The following ZNF131 variants were observed in gnomAD, a reference collection of about 807,000 sequenced individuals.
ZNF131 encodes zinc finger protein 131.
In ZNF131, 7 loss-of-function variants were observed where a neutral mutation model predicts 60.0. The observed-to-expected ratio is 0.12, with a 90% CI of 0.07 to 0.22. The LOEUF is 0.22. Among genes scored for constraint, ZNF131 ranks in the 10% least tolerant of loss-of-function variants. ZNF131 has a pLI of 1.00. For synonymous variants in ZNF131, 257 were observed against 253.2 expected, an observed-to-expected ratio of 1.01 and a Z score of -0.14; for missense variants, 493 against 740.9, an observed-to-expected ratio of 0.67 and a Z score of 3.88.
At chr5:43,168,100 G>A in intron 5 of ZNF131, 1 of 363,854 alleles carries the variant, frequency 2.7e-6, no homozygotes. Context: ...CCATTCCCAT[G>A]ATAACCCATT....
intron 4 of ZNF131, among the ~76,000 whole-genome samples, chr5:43,147,758 G>GT (rs991828969): frequency 4.0e-5 from 6 of 149,806 alleles, no homozygotes; most frequent in African/African-American, 1.5e-4. Flanking sequence ...CAGTTTGGAA[G>GT]TTTTTTGGTT....
At chr5:43,166,860 A>C (rs1750431688) in intron 5 of ZNF131, among the ~76,000 whole-genome samples, 3 of 150,710 alleles carry the variant, frequency 2.0e-5, no homozygotes, top group Admixed American at 6.6e-5. Context: ...GGGTTTCACC[A>C]TCTTGGCCAG....
intron 3 of ZNF131, among the ~76,000 whole-genome samples, chr5:43,136,476 C>CTTTTTTTTTTTTT (rs70991484): frequency 1.4e-5 from 1 of 70,048 alleles, no homozygotes; most frequent in Non-Finnish European, 2.7e-5. Flanking sequence ...AGGCATCATA[C>CTTTTTTTTTTTTT]TTTTTTTTTT....
At chr5:43,135,452 A>G (rs1188908675) in intron 3 of ZNF131, among the ~76,000 whole-genome samples, 1 of 151,886 alleles carries the variant, frequency 6.6e-6, no homozygotes, top group Non-Finnish European at 1.5e-5. Flanking sequence ...GAACCATAAA[A>G]CATTAAAGAA....
intron 4 of ZNF131, among the ~76,000 whole-genome samples, chr5:43,145,617 C>T (rs1375646085): frequency 6.6e-6 from 1 of 151,942 alleles, no homozygotes; most frequent in Non-Finnish European, 1.5e-5. Flanking sequence ...CGCACCACTG[C>T]ACTCCATCCA....
intron 3 of ZNF131, among the ~76,000 whole-genome samples, chr5:43,128,988 G>C (rs1252893230): frequency 6.6e-6 from 1 of 152,226 alleles, no homozygotes; most frequent in Admixed American, 6.5e-5. Context: ...TTGGGGTGCA[G>C]TGTGGTGTGA....
chr5:43,169,562 T>A (rs1270372956), intron 5 of ZNF131, among the ~76,000 whole-genome samples: 4 of 152,208 alleles, frequency 2.6e-5, no homozygotes, highest in Non-Finnish European at 5.9e-5. Context: ...CTTGTCATTT[T>A]AAAAAATATA....
chr5:43,170,547 A>G (rs538163343), intron 5 of ZNF131, among the ~76,000 whole-genome samples: 44 of 151,846 alleles, frequency 2.9e-4, no homozygotes, highest in Non-Finnish European at 5.4e-4. Context: ...TTCTCCATAT[A>G]TTCAAGACCT....
chr5:43,134,665 T>C (rs1364181657), intron 3 of ZNF131, among the ~76,000 whole-genome samples: 1 of 148,382 alleles, frequency 6.7e-6, no homozygotes, highest in Admixed American at 6.8e-5. Flanking sequence ...AAAATCAGCA[T>C]ACAAAAGTCA....
At position 43,175,830 on chromosome 5, in the gene ZNF131, C is replaced by T. The variant is rs1751517355; in HGVS notation, c.*697C>T. On this transcript the variant is annotated 3_prime_UTR_variant, in exon 7 of 7. Coordinates refer to ENST00000682664, the MANE Select transcript of ZNF131 (RefSeq NM_001330707.2). Reference sequence around the variant, plus strand: ...GTTGTAAGGAGCAATGTAGATGATGCTATAATACTTTATATTTTTGGTTAT... The same window carrying T: ...GTTGTAAGGAGCAATGTAGATGATGTTATAATACTTTATATTTTTGGTTAT... 6.1e-6 allele frequency: 1 copy of T among 165,276 alleles called. No individual in the cohort carries two copies. Among genetic ancestry groups the T allele is most frequent in the Admixed American group, 6.4e-5 (1 of 15,692 alleles). 10.2% of individuals were successfully genotyped at this position (165,276 alleles called of 1,614,324 possible). A position where few individuals can be genotyped will look rare whatever the true frequency, so the allele number is the denominator to read the frequency against.
At chr5:43,173,675 T>G (rs1420202356) in intron 6 of ZNF131, among the ~76,000 whole-genome samples, 2 of 152,176 alleles carry the variant, frequency 1.3e-5, no homozygotes, top group Non-Finnish European at 2.9e-5. Flanking sequence ...AGTCTGGAAC[T>G]ATAGTTAACC....
intron 3 of ZNF131, among the ~76,000 whole-genome samples, chr5:43,129,618 C>G (rs2112156620): frequency 6.6e-6 from 1 of 152,210 alleles, no homozygotes; most frequent in South Asian, 2.1e-4. Context: ...TAGCTGAGAT[C>G]AAATTTTGCT....
intron 4 of ZNF131, among the ~76,000 whole-genome samples, chr5:43,154,429 A>T (rs1276344613): frequency 6.6e-6 from 1 of 151,732 alleles, no homozygotes; most frequent in African/African-American, 2.4e-5. Flanking sequence ...AAAAAAAAAG[A>T]AGTGTCAGAA....
chr5:43,149,507 G>A (rs1748037812), intron 4 of ZNF131, among the ~76,000 whole-genome samples: 1 of 152,198 alleles, frequency 6.6e-6, no homozygotes, highest in African/African-American at 2.4e-5. Flanking sequence ...GAACGTTTGT[G>A]TAACAAGTTT....
At position 43,148,468 on chromosome 5, in the gene ZNF131, G is replaced by T. The variant is rs539892582; in HGVS notation, c.371+9159G>T. Among the ~76,000 whole-genome samples, 268 of 152,338 alleles carry T rather than the reference G, an allele frequency of 1.8e-3. 1 individual carries two copies. Among genetic ancestry groups the T allele is most frequent in the African/African-American group, 6.3e-3 (263 of 41,570 alleles). ...TCACCAGCACTTGATATTGTCAAGG[G>T]TTTTTTAAACTTTAGGTCAGGAGAT... On this transcript the variant is annotated intron_variant, in intron 4 of 6. Coordinates refer to ENST00000682664, the MANE Select transcript of ZNF131 (RefSeq NM_001330707.2).
intron 4 of ZNF131, among the ~76,000 whole-genome samples, chr5:43,149,448 G>A (rs1426931132): frequency 2.6e-5 from 4 of 152,192 alleles, no homozygotes; most frequent in South Asian, 2.1e-4. Context: ...CCTGTTGATG[G>A]ACATTTAGGT....
chr5:43,134,883 A>G (rs1351953111), intron 3 of ZNF131, among the ~76,000 whole-genome samples: 1 of 151,288 alleles, frequency 6.6e-6, no homozygotes, highest in African/African-American at 2.4e-5. Flanking sequence ...TTTTTAGTAG[A>G]GATGAGGTTT....
intron 5 of ZNF131, among the ~76,000 whole-genome samples, chr5:43,166,636 GGC>G (rs1490417656): frequency 6.7e-6 from 1 of 149,910 alleles, no homozygotes; most frequent in East Asian, 2.0e-4. Context: ...CTGGATTACA[GGC>G]ACGAGCCACC....
At position 43,173,352 on chromosome 5, in the gene ZNF131, A is replaced by G. The variant is rs1751227979; in HGVS notation, c.1089A>G (p.Glu363=). ...EKPFECPNCH[E]RFARNSTLKC... ...CTTTTGAATGTCCAAATTGTCATGAACGATTTGCTAGAAATAGCACTCTGA... is the reference window on the plus strand; with the variant it reads ...CTTTTGAATGTCCAAATTGTCATGAGCGATTTGCTAGAAATAGCACTCTGA... Residue 363 remains glutamate, a synonymous_variant, in exon 6 of 7, where the codon GAA becomes GAG. Coordinates refer to ENST00000682664, the MANE Select transcript of ZNF131 (RefSeq NM_001330707.2). 1 of 1,612,180 alleles carries G rather than the reference A, an allele frequency of 6.2e-7. No homozygotes were observed. The highest frequency in any genetic ancestry group is 1.3e-5 in the African/African-American group (1 of 74,914).
Sources: allele counts gnomAD v4.1 joint callset (sites outside exome capture counted in the v4.1 genomes callset), GRCh38; gene constraint gnomAD v4.1.1; transcripts MANE v1.5; gene names NCBI Gene and HGNC (gene_info 2026-07-23, HGNC 2026-07-21).